Variants in FBXO45 observed in about 807,000 individuals in gnomAD.
The protein encoded by FBXO45 is F-box protein 45.
FBXO45 carries 3 observed loss-of-function variants against 25.5 expected under a neutral mutation model. That is an observed-to-expected ratio of 0.12 (90% CI 0.05 to 0.30). The LOEUF (loss-of-function observed/expected upper bound fraction) is 0.30, where lower values mean the gene tolerates loss of function less well. Among genes scored for constraint, FBXO45 ranks in the 10% least tolerant of loss-of-function variants. FBXO45 has a pLI of 1.00. For synonymous variants in FBXO45, 155 were observed against 149.8 expected, an observed-to-expected ratio of 1.03 and a Z score of -0.25; for missense variants, 219 against 365.0, an observed-to-expected ratio of 0.60 and a Z score of 3.26.
intron 2 of FBXO45, among the ~76,000 whole-genome samples, chr3:196,582,767 A>G (rs925762290): frequency 2.0e-5 from 3 of 152,182 alleles, no homozygotes; most frequent in African/African-American, 4.8e-5. Flanking sequence ...AGCCTATTCT[A>G]TATTCTACAT....
chr3:196,578,620 T>C (rs1735957633), intron 2 of FBXO45, among the ~76,000 whole-genome samples: 1 of 152,122 alleles, frequency 6.6e-6, no homozygotes, highest in African/African-American at 2.4e-5. Flanking sequence ...AACATGGCTG[T>C]ATTCCATAGA....
chr3:196,580,572 G>A (rs6791472), intron 2 of FBXO45, among the ~76,000 whole-genome samples: 28,866 of 151,996 alleles, frequency 0.19, 3,689 homozygotes, highest in East Asian at 0.61. Flanking sequence ...TGATCCACCT[G>A]CCTTGGCCTC....
intron 1 of FBXO45, among the ~76,000 whole-genome samples, chr3:196,575,176 C>T (rs767819631): frequency 6.6e-6 from 1 of 152,160 alleles, no homozygotes; most frequent in Non-Finnish European, 1.5e-5. Flanking sequence ...GAAGAGAGGG[C>T]CGGGCGTGGT....
rs781023121 is a variant in FBXO45, at chr3:196,569,044, C to CGGCGCGGGCGCG, written c.70_81dup (p.Ala24_Gly27dup). On this transcript the variant is annotated inframe_insertion, in exon 1 of 3. Coordinates refer to ENST00000311630, the MANE Select transcript of FBXO45 (RefSeq NM_001105573.2). This position sits in a 1 kb window ranked among gnomAD's most constrained non-coding sequence, Gnocchi z 4.1. ...CGGGCGGCGCTGGCTGTAGCGGCGG[C>CGGCGCGGGCGCG]GGCGCGGGCGCGGGCGCGGGCTCGG... 4 of 1,089,570 alleles carry CGGCGCGGGCGCG rather than the reference C, an allele frequency of 3.7e-6. No homozygotes were observed. The highest frequency in any genetic ancestry group is 1.7e-5 in the African/African-American group (1 of 58,898). 67.5% of individuals were successfully genotyped at this position (1,089,570 alleles called of 1,614,324 possible).
At chr3:196,575,468 AAAAAG>A (rs1735897317) in intron 1 of FBXO45, among the ~76,000 whole-genome samples, 1 of 151,692 alleles carries the variant, frequency 6.6e-6, no homozygotes, top group South Asian at 2.1e-4. Context: ...AAAAAAAAAA[AAAAAG>A]AAAAGGAAGT....
rs1206310102 is a variant in FBXO45, at chr3:196,587,539, A to G, written c.*3221A>G. 6.6e-6 allele frequency: 1 copy of G among 152,248 alleles called. No homozygotes were observed. The highest frequency in any genetic ancestry group is 1.5e-5 in the Non-Finnish European group (1 of 68,034). The allele number at this position is 152,248 out of a possible 1,614,324, so 9.4% of individuals were successfully genotyped here. ...CAGAGCCCTAAACCATAAAGAAACTACTACTGTATAATGAACTTTTGTTTG... is the reference window on the plus strand; with the variant it reads ...CAGAGCCCTAAACCATAAAGAAACTGCTACTGTATAATGAACTTTTGTTTG... On this transcript the variant is annotated 3_prime_UTR_variant, in exon 3 of 3. Coordinates refer to ENST00000311630, the MANE Select transcript of FBXO45 (RefSeq NM_001105573.2).
At chr3:196,583,811 A>C (rs1232528659) in intron 2 of FBXO45, among the ~76,000 whole-genome samples, 1 of 152,010 alleles carries the variant, frequency 6.6e-6, no homozygotes, top group Non-Finnish European at 1.5e-5. Flanking sequence ...TTGCGCCACC[A>C]CACCCAGCTA....
chr3:196,578,013 T>TA (rs1193664921), intron 2 of FBXO45, among the ~76,000 whole-genome samples: 1 of 149,722 alleles, frequency 6.7e-6, no homozygotes, highest in East Asian at 1.9e-4. Flanking sequence ...TGTTGGGTGT[T>TA]ATATTTTGAT....
chr3:196,570,953 C>T (rs1170294064), intron 1 of FBXO45, among the ~76,000 whole-genome samples: 2 of 151,642 alleles, frequency 1.3e-5, no homozygotes, highest in Non-Finnish European at 2.9e-5. Flanking sequence ...CCTCGTGATC[C>T]GTCGCCTTGG....
chr3:196,582,735 G>C (rs1694959620), intron 2 of FBXO45, among the ~76,000 whole-genome samples: 1 of 151,510 alleles, frequency 6.6e-6, no homozygotes, highest in African/African-American at 2.4e-5. Flanking sequence ...TTTCAGAGTT[G>C]TGAACCACAA....
chr3:196,573,630 G>T (rs1735864726), intron 1 of FBXO45, among the ~76,000 whole-genome samples: 1 of 152,182 alleles, frequency 6.6e-6, no homozygotes, highest in South Asian at 2.1e-4. Context: ...AGATGGATGT[G>T]TCAAATGGAT....
At position 196,569,395 on chromosome 3, in the gene FBXO45, C is replaced by T. The variant is rs761373230; in HGVS notation, c.318+93C>T. On this transcript the variant is annotated intron_variant, in intron 1 of 2. Transcript: ENST00000311630. The surrounding 1 kb of genome is among the most constrained non-coding windows in gnomAD (Gnocchi z 4.1). ...ATCCGAGCTTCTGAGTCAGAAGCTT[C>T]GCCTCACCAGCCCGCCTTTCCACGG... 7.9e-7 allele frequency: 1 copy of T among 1,265,450 alleles called. No homozygotes were observed. The highest frequency in any genetic ancestry group is 2.7e-5 in the East Asian group (1 of 37,442). 78.4% of individuals were successfully genotyped at this position (1,265,450 alleles called of 1,614,324 possible). A position where few individuals can be genotyped will look rare whatever the true frequency, so the allele number is the denominator to read the frequency against.
At position 196,588,621 on chromosome 3, in the gene FBXO45, AATTATTTATTG is replaced by A. The variant is rs1377533571; in HGVS notation, c.*4315_*4325del. The stretch of plus-strand genomic sequence containing the variant: ...CTGTATTTATTTATACCTTGTTTAA[AATTATTTATTG>A]ATTATTTATTGGTGTCATATCGCCC... On this transcript the variant is annotated 3_prime_UTR_variant, in exon 3 of 3. Transcript: ENST00000311630. This position sits in a 1 kb window ranked among gnomAD's most constrained non-coding sequence, Gnocchi z 4.2. 1 of 152,172 alleles carries A rather than the reference AATTATTTATTG, an allele frequency of 6.6e-6. No individual in the cohort carries two copies. Among genetic ancestry groups the A allele is most frequent in the Non-Finnish European group, 1.5e-5 (1 of 68,036 alleles). The allele number at this position is 152,172 out of a possible 1,614,324, so 9.4% of individuals were successfully genotyped here. A position where few individuals can be genotyped will look rare whatever the true frequency, so the allele number is the denominator to read the frequency against.
At chr3:196,580,015 G>A (rs974964541) in intron 2 of FBXO45, among the ~76,000 whole-genome samples, 4 of 151,742 alleles carry the variant, frequency 2.6e-5, no homozygotes, top group Non-Finnish European at 5.9e-5. Flanking sequence ...TTTTGAGACG[G>A]AGTTTTACTC....
rs1371471085 is a variant in FBXO45 at position 196,586,524 on chromosome 3, T to C, written c.*2206T>C. 1 of 152,200 alleles carries C rather than the reference T, an allele frequency of 6.6e-6. No homozygotes were observed. The highest frequency in any genetic ancestry group is 1.5e-5 in the Non-Finnish European group (1 of 68,030). 9.4% of individuals were successfully genotyped at this position (152,200 alleles called of 1,614,324 possible). A position where few individuals can be genotyped will look rare whatever the true frequency, so the allele number is the denominator to read the frequency against. ...CATGAGCATCTGGGTCATGAGGGCCTTCATTTACGTAAATTTGTCACTAAA... is the reference window on the plus strand; with the variant it reads ...CATGAGCATCTGGGTCATGAGGGCCCTCATTTACGTAAATTTGTCACTAAA... On this transcript the variant is annotated 3_prime_UTR_variant, in exon 3 of 3. Coordinates refer to ENST00000311630, the MANE Select transcript of FBXO45 (RefSeq NM_001105573.2).
In FBXO45 at chr3:196,581,179, T is replaced by A. The variant is rs192030056; in HGVS notation, c.676-2954T>A. ...ATTGAACTGGGCTAGTAAATTTTGC[T>A]TATTGTACACTTCAGCTTTAGAATT... On this transcript the variant is annotated intron_variant, in intron 2 of 2. Coordinates refer to ENST00000311630, the MANE Select transcript of FBXO45 (RefSeq NM_001105573.2). Among the ~76,000 whole-genome samples the A allele has an allele frequency of 2.6e-3, 394 of 151,946 alleles. 9 individuals carry two copies. The highest frequency in any genetic ancestry group is 0.023 in the Admixed American group (351 of 15,216).
intron 2 of FBXO45, among the ~76,000 whole-genome samples, chr3:196,578,046 C>CTTTTTTT (rs775555553): frequency 4.3e-5 from 4 of 94,056 alleles, no homozygotes; most frequent in African/African-American, 1.4e-4. Flanking sequence ...GAAAAATATT[C>CTTTTTTT]TTTTTTTTTT....
rs1736100863 is a variant in FBXO45, at chr3:196,585,957, T to C, written c.*1639T>C. On this transcript the variant is annotated 3_prime_UTR_variant, in exon 3 of 3. Coordinates refer to ENST00000311630, the MANE Select transcript of FBXO45 (RefSeq NM_001105573.2). The stretch of plus-strand genomic sequence containing the variant: ...TCAGCCATAGAACAAAGATTTATTG[T>C]TGCCACCTGAAAAGTTTACAAGTAT... The C allele has an allele frequency of 6.6e-6, 1 of 152,262 alleles. No homozygotes were observed. Among genetic ancestry groups the C allele is most frequent in the African/African-American group, 2.4e-5 (1 of 41,466 alleles). 9.4% of individuals were successfully genotyped at this position (152,262 alleles called of 1,614,324 possible).
rs1159208978 is a variant in FBXO45, at chr3:196,585,083, GGTTT to G, written c.*770_*773del. The G allele has an allele frequency of 2.6e-5, 4 of 152,102 alleles. No homozygotes were observed. In the East Asian group the frequency reaches 7.7e-4, roughly 29 times the overall value. The allele number at this position is 152,102 out of a possible 1,614,324, so 9.4% of individuals were successfully genotyped here. ...ACAGTTCCCATAGCTGTTAGAGTCT[GGTTT>G]GTTTTTGTTTTTACTCTCAAAATCA... On this transcript the variant is annotated 3_prime_UTR_variant, in exon 3 of 3. Transcript: ENST00000311630.
Sources: allele counts gnomAD v4.1 joint callset (sites outside exome capture counted in the v4.1 genomes callset), GRCh38; gene constraint gnomAD v4.1.1; non-coding constraint Gnocchi (gnomAD v3.1); transcripts MANE v1.5; gene names NCBI Gene and HGNC (gene_info 2026-07-23, HGNC 2026-07-21).